Variants in RAB5B observed in about 807,000 individuals in gnomAD.
RAB5B encodes RAB5B, member RAS oncogene family, also known as ras-related protein Rab-5B.
RAB5B carries 11 observed loss-of-function variants against 28.6 expected under a neutral mutation model. The observed-to-expected ratio is 0.38, with a 90% CI of 0.24 to 0.64. RAB5B has a LOEUF of 0.64. Among genes scored for constraint, RAB5B ranks in the 30% least tolerant of loss-of-function variants. The pLI is 0.53. For synonymous variants in RAB5B, 93 were observed against 97.9 expected (o/e 0.95, Z 0.29); for missense variants, 169 against 265.6 (o/e 0.64, Z 2.53).
intron 1 of RAB5B, among the ~76,000 whole-genome samples, chr12:55,977,765 C>T (rs1225036087): frequency 6.6e-6 from 1 of 152,194 alleles, no homozygotes; most frequent in African/African-American, 2.4e-5. Context: ...ATTGACTCAA[C>T]AGTAACTGAA....
At chr12:55,991,876 G>A (rs1030917413) in intron 5 of RAB5B, 8 of 494,946 alleles carry the variant, frequency 1.6e-5, no homozygotes, top group South Asian at 4.4e-5. Flanking sequence ...GCAGTGAGCC[G>A]AGATTGTGCC....
chr12:55,990,890 C>CT, intron 4 of RAB5B, 86 bp downstream of exon 4: 1 of 1,506,420 alleles, frequency 6.6e-7, no homozygotes, highest in Non-Finnish European at 9.1e-7. Context: ...CTGAAAACGT[C>CT]AACAGAGGAC....
intron 1 of RAB5B, chr12:55,980,815 T>TA (rs1352459637): frequency 1.3e-5 from 20 of 1,584,718 alleles, no homozygotes; most frequent in African/African-American, 2.7e-5. Context: ...AGGCAGTAGT[T>TA]ATTGTCTTGA....
Position 55,978,315 on chromosome 12 carries a change from C to T in RAB5B, c.-93+4176C>T, listed in dbSNP as rs1187560791. On this transcript the variant is annotated intron_variant, in intron 1 of 5. Transcript: ENST00000360299. Reference sequence around the variant, plus strand: ...GAGATTGAGACCATCCTGGCTAACACGGTGAAACCCCGTCTCTACTAAACA... The same window carrying T: ...GAGATTGAGACCATCCTGGCTAACATGGTGAAACCCCGTCTCTACTAAACA... Among the ~76,000 whole-genome samples the T allele has an allele frequency of 4.6e-5, 7 of 151,972 alleles. No individual in the cohort carries two copies. In the South Asian group the frequency reaches 8.3e-4, roughly 18 times the overall value.
At chr12:55,988,358 AGGCTGG>A (rs1358617869) in intron 2 of RAB5B, among the ~76,000 whole-genome samples, 1 of 152,156 alleles carries the variant, frequency 6.6e-6, no homozygotes, top group African/African-American at 2.4e-5. Context: ...GGTAAAATAG[AGGCTGG>A]AACTAATGCA....
Position 55,996,033 on chromosome 12 carries a change from T to G in RAB5B, c.*3821T>G, listed in dbSNP as rs924852942. The G allele has an allele frequency of 2.1e-5, 3 of 144,564 alleles. No homozygotes were observed. In the East Asian group the frequency reaches 6.0e-4, roughly 29 times the overall value. 9.0% of individuals were successfully genotyped at this position (144,564 alleles called of 1,614,324 possible). ...TTTTTTAACAACTGGTAGGATAGGT[T>G]GGGCATTAGCCTTCTTCAGTGATTT... On this transcript the variant is annotated 3_prime_UTR_variant, in exon 6 of 6. Transcript: ENST00000360299.
chr12:55,977,470 C>T (rs1362854006), intron 1 of RAB5B, among the ~76,000 whole-genome samples: 1 of 152,008 alleles, frequency 6.6e-6, no homozygotes, highest in Non-Finnish European at 1.5e-5. Context: ...AATTTTTTTC[C>T]TGGACAATCC....
chr12:55,977,449 A>G (rs946168994), intron 1 of RAB5B, among the ~76,000 whole-genome samples: 2 of 152,026 alleles, frequency 1.3e-5, no homozygotes, highest in Non-Finnish European at 2.9e-5. Context: ...GTCATACCTC[A>G]TATCTTTTAA....
chr12:55,991,552 A>C (rs1890122508), intron 5 of RAB5B, 99 bp downstream of exon 5: 1 of 972,210 alleles, frequency 1.0e-6, no homozygotes, highest in Admixed American at 2.1e-5. Flanking sequence ...CTCCTTTTGC[A>C]AAAACTTTAG....
intron 1 of RAB5B, among the ~76,000 whole-genome samples, chr12:55,983,993 T>C (rs1342686134): frequency 6.6e-6 from 1 of 151,960 alleles, no homozygotes; most frequent in East Asian, 1.9e-4. Context: ...TGTACCACTT[T>C]CATATTGTGG....
intron 2 of RAB5B, 42 bp downstream of exon 2, chr12:55,987,165 G>GT: frequency 6.5e-7 from 1 of 1,550,354 alleles, no homozygotes; most frequent in Non-Finnish European, 8.7e-7. Flanking sequence ...GTTTGGTAAG[G>GT]GTTTTTTTTT....
In RAB5B at chr12:55,991,460, TCAGAA is replaced by T. The variant is rs1406361654; in HGVS notation, c.532+10_532+14del. The T allele has an allele frequency of 1.9e-6, 3 of 1,608,418 alleles. No individual in the cohort carries two copies. The highest frequency in any genetic ancestry group is 2.6e-6 in the Non-Finnish European group (3 of 1,175,006). On this transcript the variant is annotated splice_region_variant and intron_variant, in intron 5 of 5. Coordinates refer to ENST00000360299, the MANE Select transcript of RAB5B (RefSeq NM_002868.4). ...GATCTCTTCCTGGCAATAGGTAAGGTCAGAACATCCTGAGGTCCTCCTTTTTCCCT... is the reference window on the plus strand; with the variant it reads ...GATCTCTTCCTGGCAATAGGTAAGGTCATCCTGAGGTCCTCCTTTTTCCCT...
intron 1 of RAB5B, among the ~76,000 whole-genome samples, chr12:55,982,250 A>G (rs1288979251): frequency 3.9e-5 from 6 of 152,248 alleles, no homozygotes; most frequent in African/African-American, 1.2e-4. Context: ...TTACCAAAAA[A>G]AAAAAAAAAA....
At chr12:55,988,232 T>C (rs1257850557) in intron 2 of RAB5B, among the ~76,000 whole-genome samples, 1 of 152,192 alleles carries the variant, frequency 6.6e-6, no homozygotes, top group African/African-American at 2.4e-5. Flanking sequence ...CTTGGGAAGC[T>C]GAGGCAGGAG....
At chr12:55,976,676 A>G (rs1489860016) in intron 1 of RAB5B, among the ~76,000 whole-genome samples, 1 of 151,772 alleles carries the variant, frequency 6.6e-6, no homozygotes, top group East Asian at 1.9e-4. Flanking sequence ...CTTTTCTTCT[A>G]TTTTTAGAGA....
At chr12:55,978,396 C>G (rs960388849) in intron 1 of RAB5B, among the ~76,000 whole-genome samples, 1 of 151,740 alleles carries the variant, frequency 6.6e-6, no homozygotes, top group Non-Finnish European at 1.5e-5. Context: ...CCCAGCTTCT[C>G]GGGAGGCTGA....
intron 1 of RAB5B, among the ~76,000 whole-genome samples, chr12:55,982,502 C>T (rs531067209): frequency 6.6e-6 from 1 of 152,208 alleles, no homozygotes; most frequent in Admixed American, 6.5e-5. Flanking sequence ...CTATGTTGCC[C>T]AGGCTGGTCT....
chr12:55,984,553 T>C (rs1391541046), intron 1 of RAB5B, among the ~76,000 whole-genome samples: 1 of 152,144 alleles, frequency 6.6e-6, no homozygotes, highest in Non-Finnish European at 1.5e-5. Context: ...ATCAGCTCAG[T>C]GCACCCTCTA....
At chr12:55,974,760 T>C (rs1243863634) in intron 1 of RAB5B, among the ~76,000 whole-genome samples, 1 of 152,052 alleles carries the variant, frequency 6.6e-6, no homozygotes, top group Non-Finnish European at 1.5e-5. Context: ...GTTGAAGTAA[T>C]GGAAGCAGGG....
Sources: allele counts gnomAD v4.1 joint callset (sites outside exome capture counted in the v4.1 genomes callset), GRCh38; gene constraint gnomAD v4.1.1; transcripts MANE v1.5; gene names NCBI Gene and HGNC (gene_info 2026-07-23, HGNC 2026-07-21).